GIPC1: variants seen among roughly 807,000 people sequenced by gnomAD.
The protein encoded by GIPC1 is GIPC PDZ domain containing family member 1, also known as PDZ domain-containing protein GIPC1.
In GIPC1, 15 loss-of-function variants were observed where a neutral mutation model predicts 28.5. That is an observed-to-expected ratio of 0.53 (90% CI 0.35 to 0.81). GIPC1 has a LOEUF of 0.81. Among genes scored for constraint, GIPC1 ranks in the 30% least tolerant of loss-of-function variants. GIPC1 has a pLI of 0.01. For missense variants in GIPC1, 439 were observed against 481.9 expected, an observed-to-expected ratio of 0.91 and a Z score of 0.83; for synonymous variants, 224 against 206.1, an observed-to-expected ratio of 1.09 and a Z score of -0.74.
At chr19:14,485,343 C>T (rs1408838924) in intron 3 of GIPC1, among the ~76,000 whole-genome samples, 4 of 134,758 alleles carry the variant, frequency 3.0e-5, no homozygotes, top group Admixed American at 2.3e-4. Flanking sequence ...CCATCACACC[C>T]GACTATTTTT....
chr19:14,485,734 G>C (rs930183788), intron 3 of GIPC1, among the ~76,000 whole-genome samples: 25 of 145,180 alleles, frequency 1.7e-4, no homozygotes, highest in East Asian at 4.0e-4. Context: ...GAGAGAGAGA[G>C]AGAGAGACAG....
chr19:14,485,684 A>AAT (rs141749727), intron 3 of GIPC1, among the ~76,000 whole-genome samples: 3,118 of 72,060 alleles, frequency 0.043, 94 homozygotes, highest in African/African-American at 0.065. Context: ...TAAATAAACA[A>AAT]ATATATATAT....
intron 1 of GIPC1, among the ~76,000 whole-genome samples, chr19:14,494,748 C>T (rs2072041165): frequency 6.6e-6 from 1 of 152,148 alleles, no homozygotes; most frequent in Non-Finnish European, 1.5e-5. Context: ...GCCTGCTGTG[C>T]GGTTGCCAAC....
At position 14,480,631 on chromosome 19, in the gene GIPC1, T is replaced by A. The variant is rs560793612; in HGVS notation, c.436A>T (p.Thr146Ser). Residue 146 changes from threonine to serine, a missense_variant, in exon 5 of 9, where the codon ACC becomes TCC. Physicochemically the swap from Thr to Ser is moderately conservative, Grantham distance 58 (BLOSUM62 1). Coordinates refer to ENST00000393033, the MANE Select transcript of GIPC1 (RefSeq NM_005716.4). ...TAGCCAGCCCCGTTGTCCGTGATGG[T>A]GAGCCCGAGTGCATCCTCCGACTTG... ...VFKSEDALGL[T>S]ITDNGAGYAF... The A allele has an allele frequency of 6.2e-7, 1 of 1,614,210 alleles. No individual in the cohort carries two copies. Among genetic ancestry groups the A allele is most frequent in the South Asian group, 1.1e-5 (1 of 91,090 alleles).
Position 14,478,385 on chromosome 19 carries a change from C to T in GIPC1, c.*31G>A, listed in dbSNP as rs200717652. The T allele has an allele frequency of 5.7e-4, 893 of 1,573,048 alleles. 13 individuals are homozygous for T. The South Asian group carries it at 6.3e-3, about 11-fold the overall frequency. Reference sequence around the variant, plus strand: ...CTGGGGGCCCCCACCAGGTTGCGCCCGGGTCATCATCGCAGGGTCCGGGGG... The same window carrying T: ...CTGGGGGCCCCCACCAGGTTGCGCCTGGGTCATCATCGCAGGGTCCGGGGG... On this transcript the variant is annotated 3_prime_UTR_variant, in exon 9 of 9. Coordinates refer to ENST00000393033, the MANE Select transcript of GIPC1 (RefSeq NM_005716.4). The surrounding 1 kb of genome is among the most constrained non-coding windows in gnomAD (Gnocchi z 5.2).
intron 3 of GIPC1, among the ~76,000 whole-genome samples, chr19:14,487,274 C>T (rs1218276138): frequency 2.7e-5 from 4 of 150,870 alleles, no homozygotes; most frequent in Admixed American, 6.6e-5. Context: ...TCTGTGTTGC[C>T]CAGGCTGGAG....
intron 4 of GIPC1, chr19:14,482,396 G>A (rs1176972186): frequency 1.5e-5 from 8 of 521,800 alleles, no homozygotes; most frequent in Non-Finnish European, 2.7e-5. Flanking sequence ...ATGTCAGCAT[G>A]CAGCCCTGGC....
At chr19:14,479,134 C>T (rs952003954) in intron 7 of GIPC1, among the ~76,000 whole-genome samples, 3 of 152,172 alleles carry the variant, frequency 2.0e-5, no homozygotes, top group African/African-American at 7.2e-5. Flanking sequence ...CACCTGATGT[C>T]AGGAGTTCGA....
At chr19:14,484,771 A>G (rs2071800323) in intron 3 of GIPC1, among the ~76,000 whole-genome samples, 1 of 151,782 alleles carries the variant, frequency 6.6e-6, no homozygotes. Flanking sequence ...AAAACAAAAA[A>G]CACTTTTTGC....
At chr19:14,485,181 A>G (rs2071808348) in intron 3 of GIPC1, among the ~76,000 whole-genome samples, 1 of 151,724 alleles carries the variant, frequency 6.6e-6, no homozygotes, top group African/African-American at 2.4e-5. Context: ...ATAAAAATAA[A>G]TAAATAAAAG....
At chr19:14,483,613 G>A (rs953214483) in intron 3 of GIPC1, 1 of 151,950 alleles carries the variant, frequency 6.6e-6, no homozygotes, top group Non-Finnish European at 1.5e-5. Flanking sequence ...GCCAGGCATG[G>A]TGGCGCATGT....
In GIPC1 at chr19:14,478,862, A is replaced by G; in HGVS notation, c.769-97T>C. The G allele has an allele frequency of 7.5e-6, 7 of 933,748 alleles. No individual in the cohort carries two copies. The South Asian group carries it at 9.6e-5, about 13-fold the overall frequency. 57.8% of individuals were successfully genotyped at this position (933,748 alleles called of 1,614,324 possible). On this transcript the variant is annotated intron_variant, in intron 7 of 8. Transcript: ENST00000393033. This position sits in a 1 kb window ranked among gnomAD's most constrained non-coding sequence, Gnocchi z 5.2. ...TTGTCACCACTTTACATATATTCGTATTTAGACCTCAGGACAACCCTGAGA... is the reference window on the plus strand; with the variant it reads ...TTGTCACCACTTTACATATATTCGTGTTTAGACCTCAGGACAACCCTGAGA...
At chr19:14,483,171 T>C (rs1267433211) in intron 3 of GIPC1, 165 bp from the exon 4 acceptor site, 1 of 581,970 alleles carries the variant, frequency 1.7e-6, no homozygotes, top group Non-Finnish European at 3.0e-6. Flanking sequence ...AAAGTAATAA[T>C]AGGGCTGGGT....
At chr19:14,489,619 A>G (rs771652604) in intron 3 of GIPC1, 4 of 1,106,208 alleles carry the variant, frequency 3.6e-6, no homozygotes, top group Non-Finnish European at 5.6e-6. Flanking sequence ...ATGAGTATAA[A>G]TAATGGCTGT....
chr19:14,494,923 G>C (rs2072044921), intron 1 of GIPC1, among the ~76,000 whole-genome samples: 1 of 152,186 alleles, frequency 6.6e-6, no homozygotes, highest in African/African-American at 2.4e-5. Flanking sequence ...CACAGAAGCA[G>C]TGTGGCCAGC....
At chr19:14,487,689 T>TTTTTTTTTTTTC (rs1267270681) in intron 3 of GIPC1, among the ~76,000 whole-genome samples, 1 of 148,674 alleles carries the variant, frequency 6.7e-6, no homozygotes, top group African/African-American at 2.5e-5. Flanking sequence ...ATTTTCCTTT[T>TTTTTTTTTTTTC]TTTTTTTGAC....
intron 1 of GIPC1, among the ~76,000 whole-genome samples, chr19:14,494,052 C>A (rs1031145084): frequency 2.6e-5 from 4 of 151,722 alleles, no homozygotes; most frequent in African/African-American, 9.7e-5. Context: ...CTCCGCCTCC[C>A]GGGTTCAAGC....
In GIPC1 at chr19:14,478,212, G is replaced by A. The variant is rs141971065; in HGVS notation, c.*204C>T. ...GTGGGGAACAGGGCACAGGGGGGCC[G>A]GGGACCCCGGCCAGACTGGGAACCA... On this transcript the variant is annotated 3_prime_UTR_variant, in exon 9 of 9. Coordinates refer to ENST00000393033, the MANE Select transcript of GIPC1 (RefSeq NM_005716.4). This position sits in a 1 kb window ranked among gnomAD's most constrained non-coding sequence, Gnocchi z 5.2. 776 of 557,532 alleles carry A rather than the reference G, an allele frequency of 1.4e-3. 9 individuals are homozygous for A. The highest frequency in any genetic ancestry group is 0.014 in the African/African-American group (721 of 53,310). 34.5% of individuals were successfully genotyped at this position (557,532 alleles called of 1,614,324 possible). A position where few individuals can be genotyped will look rare whatever the true frequency, so the allele number is the denominator to read the frequency against.
At position 14,480,626 on chromosome 19, in the gene GIPC1, G is replaced by C; in HGVS notation, c.441C>G (p.Ile147Met). The C allele has an allele frequency of 6.2e-7, 1 of 1,614,218 alleles. No individual in the cohort carries two copies. ...FKSEDALGLT[I>M]TDNGAGYAFI... Reference sequence around the variant, plus strand: ...AGGCGTAGCCAGCCCCGTTGTCCGTGATGGTGAGCCCGAGTGCATCCTCCG... The same window carrying C: ...AGGCGTAGCCAGCCCCGTTGTCCGTCATGGTGAGCCCGAGTGCATCCTCCG... The change falls in exon 5 of 9, where the codon ATC becomes ATG. Residue 147 changes from isoleucine to methionine, a missense_variant. By Grantham distance (10) the Ile-to-Met change is conservative (BLOSUM62 1). Transcript: ENST00000393033.
Sources: allele counts gnomAD v4.1 joint callset (sites outside exome capture counted in the v4.1 genomes callset), GRCh38; gene constraint gnomAD v4.1.1; non-coding constraint Gnocchi (gnomAD v3.1); transcripts MANE v1.5; gene names NCBI Gene and HGNC (gene_info 2026-07-23, HGNC 2026-07-21).